CETP: variants seen among roughly 807,000 people sequenced by gnomAD.
CETP encodes the protein cholesteryl ester transfer protein.
In CETP, 56 loss-of-function variants were observed where a neutral mutation model predicts 66.5. That is an observed-to-expected ratio of 0.84 (90% CI 0.68 to 1.05). The LOEUF (loss-of-function observed/expected upper bound fraction) is 1.05. CETP is among the 50% of genes least tolerant of loss of function. The probability of loss-of-function intolerance (pLI) is 0.00; values close to 1 mark genes in which losing one functional copy is unlikely to be tolerated. For missense variants in CETP, 612 were observed against 609.6 expected, an observed-to-expected ratio of 1.00 and a Z score of -0.04; for synonymous variants, 251 against 245.7, an observed-to-expected ratio of 1.02 and a Z score of -0.20.
At chr16:56,964,838 G>A (rs2056054521) in intron 2 of CETP, among the ~76,000 whole-genome samples, 1 of 152,244 alleles carries the variant, frequency 6.6e-6, no homozygotes, top group Non-Finnish European at 1.5e-5. Flanking sequence ...TTAGGCTTCT[G>A]TAAAAGAGAA....
At chr16:56,982,357 G>A (rs1367926048) in intron 14 of CETP, 120 bp downstream of exon 14, 9 of 954,316 alleles carry the variant, frequency 9.4e-6, no homozygotes, top group East Asian at 2.4e-5. Flanking sequence ...GATACTTAGC[G>A]GTCCTGGCCC....
chr16:56,981,043 T>C, intron 11 of CETP, 115 bp from the exon 12 acceptor site: 1 of 818,086 alleles, frequency 1.2e-6, no homozygotes, highest in Admixed American at 1.7e-5. Context: ...GGTTCCCGTG[T>C]CATCCTTGCC....
chr16:56,966,826 G>A (rs2056070616), intron 2 of CETP, among the ~76,000 whole-genome samples: 1 of 151,102 alleles, frequency 6.6e-6, no homozygotes, highest in African/African-American at 2.4e-5. Flanking sequence ...TGCTGGCCAG[G>A]CTGGTCTCGA....
Position 56,970,002 on chromosome 16 carries a change from G to GT in CETP, c.527+2dup. On this transcript the variant is annotated splice_donor_variant, in intron 5 of 15. Transcript: ENST00000200676. LOFTEE classifies it high-confidence loss of function. ...TCCTGCATCTCCAAGGGGAGCGAGA[G>GT]TAAGTACACCACCCTGTGGCCCCCA... 1 of 1,613,138 alleles carries GT rather than the reference G, an allele frequency of 6.2e-7. No homozygotes were observed. Among genetic ancestry groups the GT allele is most frequent in the Non-Finnish European group, 8.5e-7 (1 of 1,179,682 alleles).
In CETP at chr16:56,965,602, G is replaced by T. The variant is rs1241249928; in HGVS notation, c.233+2478G>T. Among the ~76,000 whole-genome samples, 14 of 152,308 alleles carry T rather than the reference G, an allele frequency of 9.2e-5. No homozygotes were observed. In the East Asian group the frequency reaches 2.3e-3, roughly 25 times the overall value. On this transcript the variant is annotated intron_variant, in intron 2 of 15. Coordinates refer to ENST00000200676, the MANE Select transcript of CETP (RefSeq NM_000078.3). ...TGGGTACAGCAATAGTGACTACCTC[G>T]TGGGTAGCTGTGAGGATTAAACCAG... is the stretch of plus-strand genomic sequence containing the variant.
intron 9 of CETP, 120 bp downstream of exon 9, chr16:56,973,630 C>A: frequency 9.0e-7 from 1 of 1,104,992 alleles, no homozygotes; most frequent in Non-Finnish European, 1.3e-6. Flanking sequence ...AAGAACTAAG[C>A]TGGAGCAATA....
chr16:56,963,090 A>G lies in CETP; in HGVS notation c.199A>G (p.Met67Val), dbSNP rs1243908679. Residue 67 changes from methionine to valine, a missense_variant, in exon 2 of 16, where the codon ATG (methionine) becomes GTG (valine). Transcript: ENST00000200676. ...AGATATCACGGGCGAGAAGGCCATG[A>G]TGCTCCTTGGCCAAGTCAAGTATGG... ...YPDITGEKAMMLLGQVKYGLH... is the reference protein window; with the variant it reads ...YPDITGEKAMVLLGQVKYGLH... 6.2e-7 allele frequency: 1 copy of G among 1,613,926 alleles called. No homozygotes were observed. Among genetic ancestry groups the G allele is most frequent in the East Asian group, 2.2e-5 (1 of 44,878 alleles).
intron 14 of CETP, 69 bp downstream of exon 14, chr16:56,982,306 C>G (rs2056194645): frequency 6.8e-7 from 1 of 1,474,796 alleles, no homozygotes; most frequent in Non-Finnish European, 9.5e-7. Context: ...CTTGTGGGCC[C>G]TTCCCAGGCA....
intron 8 of CETP, 147 bp from the exon 9 acceptor site, chr16:56,973,184 C>T (rs1400309488): frequency 4.3e-5 from 35 of 810,074 alleles, no homozygotes; most frequent in Admixed American, 8.9e-5. Flanking sequence ...GTGAAAGCCC[C>T]GCTGGGGGAA....
intron 2 of CETP, 111 bp downstream of exon 2, chr16:56,963,235 C>T (rs1410729926): frequency 6.1e-6 from 5 of 818,384 alleles, no homozygotes; most frequent in Non-Finnish European, 2.0e-6. Flanking sequence ...GGACTCAGGT[C>T]TCTCCCCTTG....
intron 10 of CETP, 54 bp from the exon 11 acceptor site, chr16:56,978,037 T>C: frequency 6.3e-7 from 1 of 1,599,236 alleles, no homozygotes; most frequent in East Asian, 2.2e-5. Context: ...GGGCATGGAC[T>C]GCTGCTGCCC....
At chr16:56,965,954 C>T (rs1441840500) in intron 2 of CETP, among the ~76,000 whole-genome samples, 1 of 152,150 alleles carries the variant, frequency 6.6e-6, no homozygotes, top group Non-Finnish European at 1.5e-5. Context: ...CCTCTGCCCC[C>T]GGGGCCTAGC....
At chr16:56,967,626 G>A (rs2056077013) in intron 2 of CETP, among the ~76,000 whole-genome samples, 1 of 147,754 alleles carries the variant, frequency 6.8e-6, no homozygotes, top group Non-Finnish European at 1.5e-5. Flanking sequence ...CTGCACTCCA[G>A]CCTGAGCAAC....
chr16:56,972,195 C>T (rs2056116540), intron 8 of CETP, 112 bp downstream of exon 8: 1 of 772,058 alleles, frequency 1.3e-6, no homozygotes, highest in African/African-American at 1.7e-5. Context: ...GCCAAGAGTC[C>T]TGGGGCGCTC....
rs1373668093 is a variant in CETP at position 56,981,692 on chromosome 16, T to G, written c.1248+12T>G. 6.2e-7 allele frequency: 1 copy of G among 1,613,530 alleles called. No homozygotes were observed. The highest frequency in any genetic ancestry group is 1.1e-5 in the South Asian group (1 of 91,078). ...CCAACTTGACTGAGGTAGGTAGTCT[T>G]GGATAGACTGGGGGAAATAAGTCCT... On this transcript the variant is annotated intron_variant, in intron 13 of 15. Transcript: ENST00000200676.
chr16:56,968,678 G>A (rs1302533140), intron 2 of CETP, among the ~76,000 whole-genome samples: 1 of 149,574 alleles, frequency 6.7e-6, no homozygotes, highest in Non-Finnish European at 1.5e-5. Context: ...CTGTAAGACT[G>A]GTAATAATGG....
At position 56,969,462 on chromosome 16, in the gene CETP, C is replaced by T. The variant is rs759621654; in HGVS notation, c.310C>T (p.Gln104Ter). 1.9e-5 allele frequency: 31 copies of T among 1,614,060 alleles called. No homozygotes were observed. The highest frequency in any genetic ancestry group is 2.2e-5 in the South Asian group (2 of 91,088). Residue 104 changes from glutamine to a stop codon, truncating the protein, a stop_gained, in exon 3 of 16, where the codon CAG (glutamine) becomes TAG (stop). Coordinates refer to ENST00000200676, the MANE Select transcript of CETP (RefSeq NM_000078.3). LOFTEE classifies it high-confidence loss of function. ...AGCCAAGTCCATTGATGTCTCCATT[C>T]AGAACGTGTCTGTGGTCTTCAAGGG... ...VEAKSIDVSI[Q>*]NVSVVFKGTL...
At chr16:56,982,369 C>A in intron 14 of CETP, 132 bp downstream of exon 14, 1 of 851,692 alleles carries the variant, frequency 1.2e-6, no homozygotes, top group South Asian at 1.4e-5. Context: ...TCCTGGCCCC[C>A]TTTCCTCTCC....
chr16:56,962,484 G>T (rs1405543246), intron 1 of CETP: 1 of 445,268 alleles, frequency 2.2e-6, no homozygotes, highest in Non-Finnish European at 4.4e-6. Context: ...AAAGTCAGGG[G>T]TTGCCATGAG....
Sources: gnomAD v4.1 joint callset for allele counts (sites outside exome capture counted in the v4.1 genomes callset) on GRCh38, gnomAD v4.1.1 for gene constraint, MANE v1.5 for transcripts, NCBI Gene and HGNC (gene_info 2026-07-23, HGNC 2026-07-21) for gene names.